The following TLK1 variants were observed in gnomAD, a reference collection of about 807,000 sequenced individuals.
TLK1 encodes the protein tousled like kinase 1.
A neutral mutation model predicts 105.3 loss-of-function variants in TLK1; 24 were observed. The ratio of observed to expected loss-of-function variants is 0.23; its 90% CI spans 0.17 to 0.32. The LOEUF is 0.32. Among genes scored for constraint, TLK1 ranks in the 10% least tolerant of loss-of-function variants. The pLI is 1.00. For missense variants in TLK1, 558 were observed against 910.5 expected (o/e 0.61, Z 4.98); for synonymous variants, 321 against 310.4 (o/e 1.03, Z -0.36).
Position 171,160,890 on chromosome 2 carries a change from C to G in TLK1, c.-462G>C, listed in dbSNP as rs1692470921. 3 of 288,926 alleles carry G rather than the reference C, an allele frequency of 1.0e-5. No individual in the cohort carries two copies. The East Asian group carries it at 2.1e-4, about 20-fold the overall frequency. 17.9% of individuals were successfully genotyped at this position (288,926 alleles called of 1,614,324 possible). On this transcript the variant is annotated 5_prime_UTR_variant, in exon 1 of 21. Transcript: ENST00000431350. The surrounding 1 kb of genome is among the most constrained non-coding windows in gnomAD (Gnocchi z 4.4). ...GGCGGCTGAGGCGGTGGGGTAACCT[C>G]TGCATCAGTTACAGGCGGCGGCGGC...
intron 1 of TLK1, among the ~76,000 whole-genome samples, chr2:171,230,534 C>A (rs959119516): frequency 6.6e-6 from 1 of 152,200 alleles, no homozygotes; most frequent in Non-Finnish European, 1.5e-5. Flanking sequence ...CTGCACTCTT[C>A]CACCAATCAA....
At chr2:171,213,135 G>T (rs1006396988) in intron 1 of TLK1, among the ~76,000 whole-genome samples, 2 of 151,726 alleles carry the variant, frequency 1.3e-5, no homozygotes, top group Non-Finnish European at 2.9e-5. Flanking sequence ...GCTAATGGGT[G>T]AATTCCAAGT....
intron 1 of TLK1, among the ~76,000 whole-genome samples, chr2:171,212,421 T>C (rs932708783): frequency 6.6e-6 from 1 of 151,984 alleles, no homozygotes; most frequent in East Asian, 1.9e-4. Flanking sequence ...TGGTAATAGG[T>C]CCTTGATGTT....
chr2:171,177,602 A>G (rs34453397), intron 1 of TLK1, among the ~76,000 whole-genome samples: 1 of 152,044 alleles, frequency 6.6e-6, no homozygotes, highest in Admixed American at 6.5e-5. Flanking sequence ...GTCATCAAAG[A>G]TATACTTTAC....
At chr2:171,157,409 T>A (rs943051380) in intron 1 of TLK1, among the ~76,000 whole-genome samples, 4 of 152,144 alleles carry the variant, frequency 2.6e-5, no homozygotes, top group Non-Finnish European at 4.4e-5. Context: ...GGATGGAGAT[T>A]ATAGGTTTAA....
chr2:171,069,856 C>A (rs1216472453), intron 3 of TLK1, among the ~76,000 whole-genome samples: 4 of 152,080 alleles, frequency 2.6e-5, no homozygotes, highest in African/African-American at 7.2e-5. Flanking sequence ...ATAGTTGTAA[C>A]CAACATAAAC....
Position 170,993,716 on chromosome 2 carries a change from CT to C in TLK1, c.*63del. Reference sequence around the variant, plus strand: ...GAAAAAGAAAACAAACACTCAAATGCTCTCAAACTTAAGTGTGCATCTGGAA... The same window carrying C: ...GAAAAAGAAAACAAACACTCAAATGCCTCAAACTTAAGTGTGCATCTGGAA... On this transcript the variant is annotated 3_prime_UTR_variant, in exon 21 of 21. Coordinates refer to ENST00000431350, the MANE Select transcript of TLK1 (RefSeq NM_012290.5). 9.7e-7 allele frequency: 1 copy of C among 1,026,142 alleles called. No individual in the cohort carries two copies. 63.6% of individuals were successfully genotyped at this position (1,026,142 alleles called of 1,614,324 possible).
At chr2:171,123,576 G>C (rs1690746221) in intron 1 of TLK1, among the ~76,000 whole-genome samples, 1 of 152,214 alleles carries the variant, frequency 6.6e-6, no homozygotes, top group African/African-American at 2.4e-5. Flanking sequence ...GGGAGGCCAA[G>C]ACAGGTGGAT....
intron 3 of TLK1, among the ~76,000 whole-genome samples, chr2:171,074,626 C>CAAAAAAAAAAAAAAAAAAAACAA (rs372844435): frequency 1.1e-5 from 1 of 89,950 alleles, no homozygotes; most frequent in Non-Finnish European, 2.3e-5. Flanking sequence ...GACTCTGCCT[C>CAAAAAAAAAAAAAAAAAAAACAA]AAAAAAAAAA....
At chr2:171,141,817 G>GA (rs916028042) in intron 1 of TLK1, among the ~76,000 whole-genome samples, 7 of 149,300 alleles carry the variant, frequency 4.7e-5, no homozygotes, top group African/African-American at 1.2e-4. Flanking sequence ...CCCAAATAGA[G>GA]AAAAAAAAGA....
At chr2:171,002,868 C>G (rs1245851289) in intron 18 of TLK1, among the ~76,000 whole-genome samples, 1 of 151,746 alleles carries the variant, frequency 6.6e-6, no homozygotes, top group East Asian at 2.0e-4. Flanking sequence ...ATCTCTCAGG[C>G]TCAAGTGATC....
chr2:171,101,454 T>G (rs1689688709), intron 2 of TLK1, among the ~76,000 whole-genome samples: 1 of 150,832 alleles, frequency 6.6e-6, no homozygotes, highest in Admixed American at 6.6e-5. Flanking sequence ...AGTAGACTGG[T>G]GGTTGCCAGG....
Position 170,997,770 on chromosome 2 carries a change from T to C in TLK1, c.1958A>G (p.Asn653Ser), listed in dbSNP as rs762243350. The C allele has an allele frequency of 5.0e-6, 8 of 1,609,864 alleles. No homozygotes were observed. The highest frequency in any genetic ancestry group is 2.2e-5 in the East Asian group (1 of 44,802). Reference protein sequence around the residue: ...VVGKEPPKISNKVDVWSVGVI... With the variant: ...VVGKEPPKISSKVDVWSVGVI... The stretch of plus-strand genomic sequence containing the variant: ...TCCAACCGACCATACATCAACCTTG[T>C]TGGAAATCTTTGGTGGCTCTTTTCC... Residue 653 changes from asparagine (N) to serine (S), a missense_variant, in exon 19 of 21, where the codon AAC (asparagine) becomes AGC (serine). Around this residue, in one of 5 missense-constraint regions of TLK1, gnomAD observed 218 missense variants for 492.9 expected, o/e 0.44. Transcript: ENST00000431350.
intron 1 of TLK1, among the ~76,000 whole-genome samples, chr2:171,155,248 T>C (rs917428555): frequency 7.2e-5 from 11 of 152,148 alleles, no homozygotes; most frequent in African/African-American, 1.9e-4. Context: ...TCTTACAAAA[T>C]TGAAAATCAG....
intron 2 of TLK1, among the ~76,000 whole-genome samples, chr2:171,083,503 T>C (rs1223939895): frequency 1.3e-5 from 2 of 152,222 alleles, no homozygotes; most frequent in African/African-American, 4.8e-5. Context: ...ATGATACTTA[T>C]TATCTTGTGC....
rs561429376 is a variant in TLK1, at chr2:171,061,223, T to A, written c.331-67A>T. On this transcript the variant is annotated intron_variant, in intron 3 of 20. Coordinates refer to ENST00000431350, the MANE Select transcript of TLK1 (RefSeq NM_012290.5). ...ATATACAAAATTATCACAGTCAACA[T>A]AAAACCATGTTTCGAGACCAAAAAA... The A allele has an allele frequency of 2.0e-6, 3 of 1,537,988 alleles. No individual in the cohort carries two copies. In the South Asian group the frequency reaches 3.4e-5, roughly 18 times the overall value.
intron 1 of TLK1, among the ~76,000 whole-genome samples, chr2:171,133,907 C>G (rs951632595): frequency 6.6e-6 from 1 of 152,032 alleles, no homozygotes; most frequent in Admixed American, 6.6e-5. Context: ...ATGATCGCAG[C>G]TAACTGCAGC....
chr2:171,147,271 T>C (rs1350760143), intron 1 of TLK1, among the ~76,000 whole-genome samples: 1 of 152,192 alleles, frequency 6.6e-6, no homozygotes, highest in Non-Finnish European at 1.5e-5. Flanking sequence ...TAAAACTCTA[T>C]AGCTCTGACA....
intron 12 of TLK1, among the ~76,000 whole-genome samples, chr2:171,023,728 T>A (rs569358011): frequency 6.6e-6 from 1 of 152,202 alleles, no homozygotes; most frequent in African/African-American, 2.4e-5. Context: ...TTTAAAAATA[T>A]AGACATTTCA....
Sources: allele counts gnomAD v4.1 joint callset (sites outside exome capture counted in the v4.1 genomes callset), GRCh38; gene constraint gnomAD v4.1.1; regional missense constraint gnomAD v4.1.1; non-coding constraint Gnocchi (gnomAD v3.1); transcripts MANE v1.5; gene names NCBI Gene and HGNC (gene_info 2026-07-23, HGNC 2026-07-21).